SRRM4: variants seen among roughly 807,000 people sequenced by gnomAD.
SRRM4 encodes the protein serine/arginine repetitive matrix protein 4.
SRRM4 carries 33 observed loss-of-function variants against 68.9 expected under a neutral mutation model. The observed-to-expected ratio is 0.48, with a 90% CI of 0.36 to 0.64. The LOEUF (loss-of-function observed/expected upper bound fraction) is 0.64, where lower values mean the gene tolerates loss of function less well. SRRM4 is among the 30% of genes least tolerant of loss of function. The probability of loss-of-function intolerance (pLI) is 0.00; values close to 1 mark genes in which losing one functional copy is unlikely to be tolerated. For missense variants in SRRM4, 817 were observed against 827.1 expected, an observed-to-expected ratio of 0.99 and a Z score of 0.15; for synonymous variants, 318 against 318.8, an observed-to-expected ratio of 1.00 and a Z score of 0.03.
chr12:119,075,464 A>ATGATGGTGT (rs1565902734), intron 1 of SRRM4, among the ~76,000 whole-genome samples: 1 of 80,938 alleles, frequency 1.2e-5, no homozygotes, highest in East Asian at 2.6e-4. Context: ...GATGATGGTG[A>ATGATGGTGT]TGATGATGGT....
intron 1 of SRRM4, among the ~76,000 whole-genome samples, chr12:119,086,014 C>G (rs1437206563): frequency 6.6e-6 from 1 of 152,102 alleles, no homozygotes; most frequent in East Asian, 1.9e-4. Context: ...AAAGAACACT[C>G]AAGCCTCTTT....
chr12:119,144,992 T>C (rs986197832), intron 8 of SRRM4, among the ~76,000 whole-genome samples: 8 of 152,166 alleles, frequency 5.3e-5, no homozygotes, highest in African/African-American at 1.9e-4. Flanking sequence ...CATTTCTTTT[T>C]CCCCTTTCCC....
intron 1 of SRRM4, among the ~76,000 whole-genome samples, chr12:118,983,291 G>T (rs1248807882): frequency 6.6e-6 from 1 of 152,198 alleles, no homozygotes; most frequent in Non-Finnish European, 1.5e-5. Flanking sequence ...TTAGGAATGG[G>T]TGGCCAAGCA....
At chr12:119,030,348 T>A (rs1454658038) in intron 1 of SRRM4, among the ~76,000 whole-genome samples, 7 of 152,146 alleles carry the variant, frequency 4.6e-5, no homozygotes, top group African/African-American at 1.7e-4. Flanking sequence ...ACAGGGCACC[T>A]CTAAACACAC....
At chr12:119,142,382 C>T (rs1954370758) in intron 8 of SRRM4, among the ~76,000 whole-genome samples, 1 of 152,160 alleles carries the variant, frequency 6.6e-6, no homozygotes, top group Non-Finnish European at 1.5e-5. Context: ...GTGGATAAGT[C>T]AGAGCCAGGT....
intron 3 of SRRM4, 61 bp from the exon 4 acceptor site, chr12:119,116,876 T>G (rs1414549857): frequency 3.3e-6 from 5 of 1,526,760 alleles, no homozygotes; most frequent in Non-Finnish European, 4.5e-6. Flanking sequence ...AAGGTTCTTT[T>G]TGAAACCAAC....
At position 119,157,888 on chromosome 12, in the gene SRRM4, G is replaced by C. The variant is rs915820180; in HGVS notation, c.*1090G>C. ...TTAAGCCACTCCCCTTGCCTCTCAG[G>C]AATTTTGCCAGGATGGGGCACAGCA... On this transcript the variant is annotated 3_prime_UTR_variant, in exon 13 of 13. Coordinates refer to ENST00000267260, the MANE Select transcript of SRRM4 (RefSeq NM_194286.4). The surrounding 1 kb of genome is among the most constrained non-coding windows in gnomAD (Gnocchi z 4.1). 2 of 152,898 alleles carry C rather than the reference G, an allele frequency of 1.3e-5. No homozygotes were observed. The highest frequency in any genetic ancestry group is 4.8e-5 in the African/African-American group (2 of 41,416). 9.5% of individuals were successfully genotyped at this position (152,898 alleles called of 1,614,324 possible). A position where few individuals can be genotyped will look rare whatever the true frequency, so the allele number is the denominator to read the frequency against.
intron 1 of SRRM4, among the ~76,000 whole-genome samples, chr12:119,052,909 A>T (rs940273231): frequency 3.9e-5 from 6 of 152,088 alleles, no homozygotes; most frequent in African/African-American, 7.2e-5. Context: ...AATAAATTGG[A>T]GATTGGAGTG....
At chr12:119,052,427 C>T (rs191864284) in intron 1 of SRRM4, among the ~76,000 whole-genome samples, 1 of 152,216 alleles carries the variant, frequency 6.6e-6, no homozygotes, top group African/African-American at 2.4e-5. Flanking sequence ...AAAATGTAAA[C>T]TTTCTTTTAT....
chr12:119,153,555 C>G lies in SRRM4; in HGVS notation c.1297C>G (p.Pro433Ala). Residue 433 changes from proline to alanine, a missense_variant, in exon 11 of 13, where the codon CCC (proline) becomes GCC (alanine). Pro to Ala is a conservative substitution (Grantham distance 27). Coordinates refer to ENST00000267260, the MANE Select transcript of SRRM4 (RefSeq NM_194286.4). ...CTCCCCCAGGTCCTACTCCCGCTCT[C>G]CCAGCTATTCCTCCAAGTCTGGCAA... is the stretch of plus-strand genomic sequence containing the variant. ...SSEKRSYSRS[P>A]SYSSKSGKRS... The G allele has an allele frequency of 6.4e-7, 1 of 1,572,278 alleles. No individual in the cohort carries two copies. Among genetic ancestry groups the G allele is most frequent in the Non-Finnish European group, 8.6e-7 (1 of 1,159,342 alleles).
chr12:119,028,514 A>G (rs1304156565), intron 1 of SRRM4, among the ~76,000 whole-genome samples: 1 of 152,210 alleles, frequency 6.6e-6, no homozygotes, highest in Non-Finnish European at 1.5e-5. Context: ...CACCTCTGCC[A>G]TGATTGTGAG....
chr12:119,085,132 C>A (rs1355708389), intron 1 of SRRM4, among the ~76,000 whole-genome samples: 2 of 152,152 alleles, frequency 1.3e-5, no homozygotes, highest in African/African-American at 2.4e-5. Context: ...AACTCCAGAC[C>A]TCAGGTGGAT....
intron 1 of SRRM4, among the ~76,000 whole-genome samples, chr12:119,075,048 T>G (rs1424478221): frequency 4.6e-5 from 7 of 152,128 alleles, no homozygotes; most frequent in Non-Finnish European, 5.9e-5. Context: ...TGAGCCCTGA[T>G]GGATAAGCAG....
intron 4 of SRRM4, among the ~76,000 whole-genome samples, chr12:119,119,157 G>A (rs368222405): frequency 6.6e-6 from 1 of 151,658 alleles, no homozygotes; most frequent in African/African-American, 2.4e-5. Context: ...TAGGTGATGG[G>A]TTGATAGGTG....
intron 1 of SRRM4, among the ~76,000 whole-genome samples, chr12:119,056,770 C>A (rs537567272): frequency 4.6e-5 from 7 of 152,218 alleles, no homozygotes; most frequent in Admixed American, 3.3e-4. Flanking sequence ...CTCAACACTT[C>A]TTCCTTTGTT....
intron 1 of SRRM4, among the ~76,000 whole-genome samples, chr12:119,014,639 G>A (rs1422553471): frequency 6.6e-6 from 1 of 152,132 alleles, no homozygotes; most frequent in Non-Finnish European, 1.5e-5. Context: ...GTAGCATATG[G>A]CCTACAGGAA....
chr12:119,131,713 A>G (rs1253825202), intron 8 of SRRM4, among the ~76,000 whole-genome samples: 2 of 152,172 alleles, frequency 1.3e-5, no homozygotes, highest in Non-Finnish European at 2.9e-5. Flanking sequence ...AGTAAATACC[A>G]CTTCCGTATG....
chr12:119,020,697 G>T (rs1953510897), intron 1 of SRRM4, among the ~76,000 whole-genome samples: 1 of 152,224 alleles, frequency 6.6e-6, no homozygotes, highest in Admixed American at 6.5e-5. Context: ...CGGTGTGAAA[G>T]CGCAAATGAA....
At chr12:118,996,164 AT>A (rs1237434313) in intron 1 of SRRM4, among the ~76,000 whole-genome samples, 2 of 152,194 alleles carry the variant, frequency 1.3e-5, no homozygotes, top group South Asian at 2.1e-4. Flanking sequence ...AGCTCAAATT[AT>A]TTTTTTCAAG....
Sources: gnomAD v4.1 joint callset for allele counts (sites outside exome capture counted in the v4.1 genomes callset) on GRCh38, gnomAD v4.1.1 for gene constraint, Gnocchi (gnomAD v3.1) non-coding constraint, MANE v1.5 for transcripts, NCBI Gene and HGNC (gene_info 2026-07-23, HGNC 2026-07-21) for gene names.